TIAM1: variants seen among roughly 807,000 people sequenced by gnomAD.
The protein encoded by TIAM1 is rho guanine nucleotide exchange factor TIAM1.
A neutral mutation model predicts 163.5 loss-of-function variants in TIAM1; 65 were observed. The ratio of observed to expected loss-of-function variants is 0.40; its 90% confidence interval spans 0.33 to 0.49. The LOEUF (loss-of-function observed/expected upper bound fraction) is 0.49, where lower values mean the gene tolerates loss of function less well. Among genes scored for constraint, TIAM1 ranks in the 20% least tolerant of loss-of-function variants. The probability of loss-of-function intolerance (pLI) is 0.77; values close to 1 mark genes in which losing one functional copy is unlikely to be tolerated. For synonymous variants in TIAM1, 833 were observed against 810.1 expected, an observed-to-expected ratio of 1.03 and a Z score of -0.48; for missense variants, 1,789 against 2,044.7, an observed-to-expected ratio of 0.87 and a Z score of 2.41.
At chr21:31,381,828 T>C (rs1002124686) in intron 2 of TIAM1, among the ~76,000 whole-genome samples, 3 of 152,012 alleles carry the variant, frequency 2.0e-5, no homozygotes, top group Admixed American at 6.6e-5. Flanking sequence ...TAAGACCCTG[T>C]CTCAAAAATA....
chr21:31,427,837 A>C (rs2043851731), intron 2 of TIAM1, among the ~76,000 whole-genome samples: 1 of 151,930 alleles, frequency 6.6e-6, no homozygotes, highest in Admixed American at 6.6e-5. Flanking sequence ...CCGTCTCAAA[A>C]ACAATAAATA....
At chr21:31,392,700 T>C (rs1444461260) in intron 2 of TIAM1, among the ~76,000 whole-genome samples, 1 of 151,700 alleles carries the variant, frequency 6.6e-6, no homozygotes, top group Admixed American at 6.6e-5. Context: ...GTAGGAGGTG[T>C]TCTGGTCAAG....
intron 2 of TIAM1, among the ~76,000 whole-genome samples, chr21:31,389,367 C>A (rs749250638): frequency 2.9e-4 from 44 of 152,264 alleles, no homozygotes; most frequent in Non-Finnish European, 4.0e-4. Flanking sequence ...TTCCACCACA[C>A]CCAGCTAATT....
At chr21:31,264,896 A>G (rs1308357611) in intron 4 of TIAM1, among the ~76,000 whole-genome samples, 1 of 152,188 alleles carries the variant, frequency 6.6e-6, no homozygotes, top group Non-Finnish European at 1.5e-5. Flanking sequence ...CTGAAGCACC[A>G]TCTACAAACC....
intron 13 of TIAM1, among the ~76,000 whole-genome samples, chr21:31,190,242 C>CA (rs1177739465): frequency 6.6e-6 from 1 of 152,008 alleles, no homozygotes; most frequent in East Asian, 1.9e-4. Flanking sequence ...CCTGTCTCTA[C>CA]AAAATTTTTT....
At chr21:31,356,689 C>G (rs1256210514) in intron 2 of TIAM1, among the ~76,000 whole-genome samples, 1 of 152,220 alleles carries the variant, frequency 6.6e-6, no homozygotes, top group Non-Finnish European at 1.5e-5. Flanking sequence ...TTCTCAGCCT[C>G]CAGACTGTGA....
intron 19 of TIAM1, among the ~76,000 whole-genome samples, chr21:31,151,353 T>C (rs2083362293): frequency 6.6e-6 from 1 of 152,206 alleles, no homozygotes; most frequent in Non-Finnish European, 1.5e-5. Flanking sequence ...AAGTGTGGTC[T>C]ATCCATTCAA....
intron 26 of TIAM1, 82 bp from the exon 27 acceptor site, chr21:31,124,776 T>C: frequency 8.2e-7 from 1 of 1,225,572 alleles, no homozygotes; most frequent in Non-Finnish European, 1.1e-6. Flanking sequence ...TGCAACCAAA[T>C]AAATATCCCT....
intron 6 of TIAM1, among the ~76,000 whole-genome samples, chr21:31,227,890 G>A (rs114700942): frequency 1.1e-3 from 169 of 151,956 alleles, no homozygotes; most frequent in African/African-American, 3.7e-3. Context: ...TGGGTATCTC[G>A]TTAGGTGGGG....
chr21:31,303,996 G>T (rs2074601531), intron 2 of TIAM1, among the ~76,000 whole-genome samples: 1 of 151,940 alleles, frequency 6.6e-6, no homozygotes, highest in Admixed American at 6.6e-5. Context: ...GAAAAGAAAA[G>T]AGAAAGAAAA....
intron 14 of TIAM1, among the ~76,000 whole-genome samples, chr21:31,184,911 G>A (rs1039721739): frequency 9.9e-5 from 15 of 152,118 alleles, no homozygotes; most frequent in African/African-American, 3.1e-4. Flanking sequence ...CCAAGTCCGC[G>A]GTTGTGCTTT....
chr21:31,121,066 G>A (rs191199342), intron 27 of TIAM1, among the ~76,000 whole-genome samples: 5 of 152,242 alleles, frequency 3.3e-5, no homozygotes, highest in African/African-American at 1.2e-4. Context: ...AAGGGCAAGG[G>A]GGAACCGGGG....
chr21:31,357,122 G>A (rs530167620), intron 2 of TIAM1, among the ~76,000 whole-genome samples: 4 of 152,098 alleles, frequency 2.6e-5, no homozygotes, highest in Non-Finnish European at 5.9e-5. Context: ...GTTCACACCT[G>A]TACCCAGACA....
chr21:31,353,239 T>G (rs1238726859), intron 2 of TIAM1, among the ~76,000 whole-genome samples: 1 of 152,084 alleles, frequency 6.6e-6, no homozygotes, highest in African/African-American at 2.4e-5. Flanking sequence ...AAACCCAAAT[T>G]CTTAATTGTA....
intron 3 of TIAM1, among the ~76,000 whole-genome samples, chr21:31,267,835 C>T (rs2072870347): frequency 6.6e-6 from 1 of 152,186 alleles, no homozygotes; most frequent in African/African-American, 2.4e-5. Flanking sequence ...TCTGGTACAG[C>T]ATGCCCTGCA....
At chr21:31,365,562 G>C (rs1206750557) in intron 2 of TIAM1, among the ~76,000 whole-genome samples, 2 of 151,242 alleles carry the variant, frequency 1.3e-5, no homozygotes, top group Admixed American at 1.3e-4. Context: ...CTAATTTTTT[G>C]TATTTTTTAG....
intron 2 of TIAM1, among the ~76,000 whole-genome samples, chr21:31,398,340 A>G (rs944073628): frequency 6.6e-6 from 1 of 152,158 alleles, no homozygotes; most frequent in African/African-American, 2.4e-5. Flanking sequence ...ACTGTGGATA[A>G]GCTGGGCCTG....
chr21:31,210,338 T>G, intron 10 of TIAM1, 123 bp from the exon 11 acceptor site: 1 of 1,007,226 alleles, frequency 9.9e-7, no homozygotes, highest in Non-Finnish European at 1.5e-6. Context: ...GCGGAGGCAG[T>G]GGTGGGAGGC....
intron 2 of TIAM1, among the ~76,000 whole-genome samples, chr21:31,385,468 C>T (rs555271235): frequency 4.7e-4 from 71 of 151,932 alleles, no homozygotes; most frequent in African/African-American, 1.4e-3. Flanking sequence ...TTTTGGGGTG[C>T]GAGATGCAGG....
Sources: allele counts gnomAD v4.1 joint callset (sites outside exome capture counted in the v4.1 genomes callset), GRCh38; gene constraint gnomAD v4.1.1; transcripts MANE v1.5; gene names NCBI Gene and HGNC (gene_info 2026-07-23, HGNC 2026-07-21).